Variants in ZNF407 observed in about 807,000 individuals in gnomAD.
ZNF407 encodes the protein zinc finger protein 407.
ZNF407 carries 17 observed loss-of-function variants against 131.2 expected under a neutral mutation model. That is an observed-to-expected ratio of 0.13 (90% CI 0.09 to 0.19). ZNF407 has a LOEUF of 0.19. Among genes scored for constraint, ZNF407 ranks in the 10% least tolerant of loss-of-function variants. The pLI, the probability that ZNF407 is intolerant of heterozygous loss-of-function variation, is 1.00. For missense variants in ZNF407, 2,681 were observed against 2,830.6 expected, an observed-to-expected ratio of 0.95 and a Z score of 1.20; for synonymous variants, 1,156 against 1,062.0, an observed-to-expected ratio of 1.09 and a Z score of -1.72.
At position 74,632,283 on chromosome 18, in the gene ZNF407, G is replaced by T. The variant is rs772796599; in HGVS notation, c.1264G>T (p.Val422Leu). The T allele has an allele frequency of 5.0e-6, 8 of 1,613,924 alleles. No homozygotes were observed. The highest frequency in any genetic ancestry group is 6.8e-6 in the Non-Finnish European group (8 of 1,179,898). ...SRPRPERNIL[V>L]LGNSFRRRSS... is the part of the protein sequence containing the mutation. ...GCCAAGACCTGAGCGAAATATTCTC[G>T]TGTTGGGTAATAGCTTTCGTCGACG... The change falls in exon 2 of 9, where the codon GTG becomes TTG. Residue 422 changes from valine to leucine, a missense_variant. Physicochemically the swap from Val to Leu is conservative, Grantham distance 32. Transcript: ENST00000299687.
At chr18:74,852,164 TACAC>T (rs10539805) in intron 4 of ZNF407, among the ~76,000 whole-genome samples, 41,759 of 149,432 alleles carry the variant, frequency 0.28, 5,944 homozygotes, top group Admixed American at 0.38. Context: ...GGATGCATGC[TACAC>T]ACACACACAC....
chr18:74,694,114 T>A (rs1467845070), intron 3 of ZNF407, among the ~76,000 whole-genome samples: 3 of 152,198 alleles, frequency 2.0e-5, no homozygotes, highest in Admixed American at 2.0e-4. Flanking sequence ...GAATTTTGGG[T>A]TGTTCTGTGG....
chr18:74,979,048 G>A (rs1249486436), intron 8 of ZNF407, among the ~76,000 whole-genome samples: 3 of 152,034 alleles, frequency 2.0e-5, no homozygotes, highest in Non-Finnish European at 4.4e-5. Flanking sequence ...ACGACTTCGC[G>A]GGCAGCACTG....
At chr18:74,601,529 C>T (rs977950315) in intron 1 of ZNF407, among the ~76,000 whole-genome samples, 2 of 152,080 alleles carry the variant, frequency 1.3e-5, no homozygotes, top group African/African-American at 4.8e-5. Flanking sequence ...TTCACTGGCT[C>T]GCGGTTCTGC....
intron 3 of ZNF407, among the ~76,000 whole-genome samples, chr18:74,690,448 G>T (rs1220003663): frequency 2.2e-5 from 3 of 133,390 alleles, no homozygotes; most frequent in Non-Finnish European, 3.4e-5. Flanking sequence ...TTGTTTTTTT[G>T]GGGGTTTTTT....
intron 8 of ZNF407, among the ~76,000 whole-genome samples, chr18:74,980,668 C>A (rs144202247): frequency 4.9e-4 from 74 of 152,274 alleles, no homozygotes; most frequent in African/African-American, 1.7e-3. Context: ...ATCCTCCTTT[C>A]TCTATGAGGA....
chr18:74,753,552 G>A (rs937764551), intron 3 of ZNF407, among the ~76,000 whole-genome samples: 3 of 152,164 alleles, frequency 2.0e-5, no homozygotes, highest in African/African-American at 7.2e-5. Flanking sequence ...TTTATTGAGA[G>A]TTTTTAGCAT....
At chr18:74,615,671 C>A (rs983430930) in intron 1 of ZNF407, among the ~76,000 whole-genome samples, 4 of 152,128 alleles carry the variant, frequency 2.6e-5, no homozygotes, top group African/African-American at 9.7e-5. Context: ...TTTCCTTCTC[C>A]ACATATAACA....
intron 1 of ZNF407, among the ~76,000 whole-genome samples, chr18:74,628,554 C>CA (rs1417056013): frequency 8.5e-5 from 13 of 152,070 alleles, no homozygotes; most frequent in Non-Finnish European, 1.8e-4. Context: ...CACATTGTGG[C>CA]ATGTTAGTAC....
At chr18:74,714,538 T>A (rs1391717326) in intron 3 of ZNF407, among the ~76,000 whole-genome samples, 2 of 152,248 alleles carry the variant, frequency 1.3e-5, no homozygotes, top group Non-Finnish European at 2.9e-5. Context: ...GTTTTGATTT[T>A]CCTGGTACTT....
At chr18:74,841,154 CATGTAGTA>C (rs1442621320) in intron 4 of ZNF407, among the ~76,000 whole-genome samples, 1 of 152,228 alleles carries the variant, frequency 6.6e-6, no homozygotes, top group African/African-American at 2.4e-5. Context: ...CAGATTTTCT[CATGTAGTA>C]ATGAGCTGAA....
chr18:74,797,321 C>G (rs547004211), intron 4 of ZNF407, among the ~76,000 whole-genome samples: 1 of 152,224 alleles, frequency 6.6e-6, no homozygotes, highest in Non-Finnish European at 1.5e-5. Flanking sequence ...GTTAAAATAA[C>G]AGCTGTTTGC....
intron 3 of ZNF407, among the ~76,000 whole-genome samples, chr18:74,662,975 A>C (rs1222349329): frequency 6.6e-6 from 1 of 152,188 alleles, no homozygotes; most frequent in Non-Finnish European, 1.5e-5. Context: ...TGTAACATCT[A>C]CATTCTTGTA....
At chr18:74,718,093 T>G (rs1312957694) in intron 3 of ZNF407, among the ~76,000 whole-genome samples, 2 of 152,178 alleles carry the variant, frequency 1.3e-5, no homozygotes, top group African/African-American at 2.4e-5. Context: ...AGCATCCTTT[T>G]AAAGTATACA....
chr18:74,908,156 C>T (rs1396392142), intron 7 of ZNF407, among the ~76,000 whole-genome samples: 1 of 152,030 alleles, frequency 6.6e-6, no homozygotes, highest in Non-Finnish European at 1.5e-5. Flanking sequence ...TTTCTTTGCC[C>T]TACCTTTTAA....
Position 74,738,122 on chromosome 18 carries a change from A to T in ZNF407, c.4803-43306A>T, listed in dbSNP as rs117654360. 1.8e-4 allele frequency among the ~76,000 whole-genome samples: 28 copies of T among 152,180 alleles called. No homozygotes were observed. The East Asian group carries it at 5.4e-3, about 29-fold the overall frequency. ...CTGTCTTTTCTATATTCACTGTTCA[A>T]TTAAAAAGGGGACGTTGGGCCAGGT... On this transcript the variant is annotated intron_variant, in intron 3 of 8. Coordinates refer to ENST00000299687, the MANE Select transcript of ZNF407 (RefSeq NM_017757.3).
chr18:74,599,610 A>G (rs7245160), intron 1 of ZNF407, among the ~76,000 whole-genome samples: 130,428 of 152,188 alleles, frequency 0.86, 56,082 homozygotes, highest in East Asian at 1. Context: ...GGAGTGGTGA[A>G]AGCTTCTTGC....
chr18:74,688,665 A>G (rs558623825), intron 3 of ZNF407, among the ~76,000 whole-genome samples: 1 of 152,104 alleles, frequency 6.6e-6, no homozygotes, highest in East Asian at 1.9e-4. Context: ...TTTAACATTA[A>G]GGTCTGTGAT....
At position 74,635,727 on chromosome 18, in the gene ZNF407, C is replaced by T; in HGVS notation, c.4687+21C>T. The T allele has an allele frequency of 1.3e-6, 2 of 1,543,404 alleles. No individual in the cohort carries two copies. The highest frequency in any genetic ancestry group is 1.7e-6 in the Non-Finnish European group (2 of 1,145,438). ...CACAGGTATGTAGCTCTGCAGCAAG[C>T]CAAGTCAGTGAGGACATGGGGCCAT... On this transcript the variant is annotated intron_variant, in intron 2 of 8. Coordinates refer to ENST00000299687, the MANE Select transcript of ZNF407 (RefSeq NM_017757.3). The surrounding 1 kb of genome is among the most constrained non-coding windows in gnomAD (Gnocchi z 4.7).
Sources: gnomAD v4.1 joint callset for allele counts (sites outside exome capture counted in the v4.1 genomes callset) on GRCh38, gnomAD v4.1.1 for gene constraint, Gnocchi (gnomAD v3.1) non-coding constraint, MANE v1.5 for transcripts, NCBI Gene and HGNC (gene_info 2026-07-23, HGNC 2026-07-21) for gene names.